UCHL3: variants seen among roughly 807,000 people sequenced by gnomAD.
UCHL3 encodes ubiquitin carboxyl-terminal hydrolase isozyme L3.
Under a neutral mutation model 35.8 loss-of-function variants are expected in UCHL3, and 22 were observed. The observed-to-expected ratio is 0.61, with a 90% CI of 0.44 to 0.88. The LOEUF is 0.88. Ranked by LOEUF, UCHL3 falls within the 40% of genes least tolerant of loss-of-function variation. The probability of loss-of-function intolerance (pLI) is 0.00; values close to 1 mark genes in which losing one functional copy is unlikely to be tolerated. For synonymous variants in UCHL3, 90 were observed against 92.8 expected, an observed-to-expected ratio of 0.97 and a Z score of 0.17; for missense variants, 229 against 276.9, an observed-to-expected ratio of 0.83 and a Z score of 1.23.
chr13:75,571,976 C>CTGTCTTGTCTTTTCT (rs1555274360), intron 6 of UCHL3, among the ~76,000 whole-genome samples: 8 of 143,152 alleles, frequency 5.6e-5, no homozygotes, highest in Non-Finnish European at 1.2e-4. Context: ...TTTCCTAACC[C>CTGTCTTGTCTTTTCT]TGTCTTGTCT....
At chr13:75,585,474 A>G (rs1006743803) in intron 6 of UCHL3, among the ~76,000 whole-genome samples, 1 of 152,152 alleles carries the variant, frequency 6.6e-6, no homozygotes, top group Non-Finnish European at 1.5e-5. Context: ...ACAAAAACTG[A>G]GAGAGCTCAT....
At chr13:75,551,855 T>C (rs1043823406) in intron 2 of UCHL3, among the ~76,000 whole-genome samples, 8 of 152,220 alleles carry the variant, frequency 5.3e-5, no homozygotes, top group Admixed American at 3.9e-4. Context: ...TTAATACCAG[T>C]AATCTGAACA....
intron 1 of UCHL3, 43 bp downstream of exon 1, chr13:75,549,905 G>C (rs2031016568): frequency 1.2e-6 from 2 of 1,613,950 alleles, no homozygotes; most frequent in Admixed American, 1.7e-5. Flanking sequence ...GGCAGGTGCA[G>C]AGGGAGCCGG....
At chr13:75,587,926 ATTC>A (rs1264481846) in intron 6 of UCHL3, among the ~76,000 whole-genome samples, 1 of 152,084 alleles carries the variant, frequency 6.6e-6, no homozygotes, top group Non-Finnish European at 1.5e-5. Flanking sequence ...AACACAGCCT[ATTC>A]TTTTGCAACC....
chr13:75,564,371 C>T (rs1169768126), intron 3 of UCHL3, among the ~76,000 whole-genome samples: 1 of 151,700 alleles, frequency 6.6e-6, no homozygotes, highest in Non-Finnish European at 1.5e-5. Context: ...GGGATGGTCT[C>T]GATCTCCTGA....
At chr13:75,603,624 G>A (rs899101238) in intron 7 of UCHL3, among the ~76,000 whole-genome samples, 1 of 152,174 alleles carries the variant, frequency 6.6e-6, no homozygotes, top group African/African-American at 2.4e-5. Flanking sequence ...GAATGTGATA[G>A]TCATATAAAC....
Position 75,594,995 on chromosome 13 carries a change from G to A in UCHL3, c.550+5G>A. On this transcript the variant is annotated splice_donor_5th_base_variant and intron_variant, in intron 7 of 8. Coordinates refer to ENST00000377595, the MANE Select transcript of UCHL3 (RefSeq NM_006002.5). Reference sequence around the variant, plus strand: ...ATGGGCATCTCTATGAATTAGGTAAGAACTATTTTAATTTGTCCTGGGGAG... The same window carrying A: ...ATGGGCATCTCTATGAATTAGGTAAAAACTATTTTAATTTGTCCTGGGGAG... 6.3e-7 allele frequency: 1 copy of A among 1,592,652 alleles called. No homozygotes were observed. The highest frequency in any genetic ancestry group is 1.1e-5 in the South Asian group (1 of 87,934).
At position 75,605,718 on chromosome 13, in the gene UCHL3, T is replaced by C. The variant is rs756745419; in HGVS notation, c.610-11T>C. 6.2e-7 allele frequency: 1 copy of C among 1,610,850 alleles called. No homozygotes were observed. The highest frequency in any genetic ancestry group is 2.2e-5 in the East Asian group (1 of 44,854). ...ACACTGAAAAATCATACTTTTTTTT[T>C]TCCTCCATAGGATGCCATAGAAGTT... is the stretch of plus-strand genomic sequence containing the variant. On this transcript the variant is annotated splice_polypyrimidine_tract_variant and intron_variant, in intron 8 of 8. Coordinates refer to ENST00000377595, the MANE Select transcript of UCHL3 (RefSeq NM_006002.5).
At chr13:75,550,200 C>T (rs950551135) in intron 2 of UCHL3, among the ~76,000 whole-genome samples, 1 of 152,202 alleles carries the variant, frequency 6.6e-6, no homozygotes. Flanking sequence ...TCCTCTGGTC[C>T]CATTCTGCAG....
At chr13:75,564,998 T>C (rs2031640071) in intron 3 of UCHL3, among the ~76,000 whole-genome samples, 2 of 152,098 alleles carry the variant, frequency 1.3e-5, no homozygotes, top group African/African-American at 2.4e-5. Flanking sequence ...GCCCGGCCAG[T>C]GATAGTGTTT....
chr13:75,602,713 T>G (rs2032809400), intron 7 of UCHL3, among the ~76,000 whole-genome samples: 2 of 152,200 alleles, frequency 1.3e-5, no homozygotes, highest in Non-Finnish European at 2.9e-5. Context: ...CTACATACTG[T>G]CTTTTAAAAA....
chr13:75,563,153 A>G (rs1299253899), intron 3 of UCHL3, among the ~76,000 whole-genome samples: 5 of 151,892 alleles, frequency 3.3e-5, no homozygotes, highest in African/African-American at 1.2e-4. Context: ...GTATGTATGT[A>G]TGTATGTATG....
chr13:75,599,112 G>A (rs535946950), intron 7 of UCHL3, among the ~76,000 whole-genome samples: 54 of 150,584 alleles, frequency 3.6e-4, no homozygotes, highest in African/African-American at 1.3e-3. Context: ...GGGACTGTAG[G>A]CCTGTGCCAC....
intron 6 of UCHL3, among the ~76,000 whole-genome samples, chr13:75,576,547 G>A (rs1009053432): frequency 6.6e-6 from 1 of 152,020 alleles, no homozygotes; most frequent in Non-Finnish European, 1.5e-5. Flanking sequence ...GTAGAGACAG[G>A]GTTTCACAGT....
intron 6 of UCHL3, among the ~76,000 whole-genome samples, chr13:75,580,046 C>T (rs1346067529): frequency 1.3e-5 from 2 of 152,006 alleles, no homozygotes; most frequent in Non-Finnish European, 2.9e-5. Flanking sequence ...TTAAACCAGT[C>T]AGGGAAAAAA....
intron 6 of UCHL3, among the ~76,000 whole-genome samples, chr13:75,586,748 A>T (rs1041730329): frequency 7.9e-5 from 12 of 152,138 alleles, no homozygotes; most frequent in Middle Eastern, 3.4e-3. Context: ...AAATATTTAG[A>T]TATTCAATAG....
At chr13:75,597,763 A>C (rs1180744397) in intron 7 of UCHL3, among the ~76,000 whole-genome samples, 1 of 152,184 alleles carries the variant, frequency 6.6e-6, no homozygotes, top group Non-Finnish European at 1.5e-5. Context: ...TATTTTTAAA[A>C]ATAAGGCTGT....
intron 2 of UCHL3, among the ~76,000 whole-genome samples, chr13:75,559,265 C>T (rs924284161): frequency 2.7e-5 from 4 of 150,368 alleles, no homozygotes; most frequent in Non-Finnish European, 5.9e-5. Flanking sequence ...TGGTCTCGAT[C>T]TCCTGACCTC....
At chr13:75,579,531 C>G (rs2032120467) in intron 6 of UCHL3, among the ~76,000 whole-genome samples, 1 of 151,986 alleles carries the variant, frequency 6.6e-6, no homozygotes, top group African/African-American at 2.4e-5. Context: ...CCCCTTTTCT[C>G]TCCCTCCGTC....
Sources: allele counts gnomAD v4.1 joint callset (sites outside exome capture counted in the v4.1 genomes callset), GRCh38; gene constraint gnomAD v4.1.1; transcripts MANE v1.5; gene names NCBI Gene and HGNC (gene_info 2026-07-23, HGNC 2026-07-21).